The following PPFIBP2 variants were observed in gnomAD, a reference collection of about 807,000 sequenced individuals.
The protein encoded by PPFIBP2 is PPFIB scaffold protein 2.
PPFIBP2 carries 118 observed loss-of-function variants against 118.3 expected under a neutral mutation model. The observed-to-expected ratio is 1.00, with a 90% confidence interval of 0.86 to 1.16. The LOEUF is 1.16. Among genes scored for constraint, PPFIBP2 ranks in the 50% most tolerant of loss-of-function variants. The pLI is 0.00. For missense variants in PPFIBP2, 1,195 were observed against 1,073.1 expected (o/e 1.11, Z -1.59); for synonymous variants, 414 against 397.4 (o/e 1.04, Z -0.50).
chr11:7,550,797 A>G (rs1852887320), intron 2 of PPFIBP2, among the ~76,000 whole-genome samples: 1 of 152,178 alleles, frequency 6.6e-6, no homozygotes, highest in Admixed American at 6.5e-5. Flanking sequence ...GGCACCATCT[A>G]ATAAGCTGCC....
intron 23 of PPFIBP2, among the ~76,000 whole-genome samples, chr11:7,652,283 C>T (rs568428083): frequency 1.8e-4 from 27 of 152,310 alleles, no homozygotes; most frequent in Admixed American, 3.3e-4. Context: ...TGTCTTGTTT[C>T]GTGAAGTGGC....
At chr11:7,606,220 T>C (rs1847322678) in intron 5 of PPFIBP2, among the ~76,000 whole-genome samples, 1 of 152,136 alleles carries the variant, frequency 6.6e-6, no homozygotes, top group Non-Finnish European at 1.5e-5. Context: ...GGAAGCTGAG[T>C]GGTCTCCAAT....
At chr11:7,644,338 C>T (rs1852654746) in intron 17 of PPFIBP2, among the ~76,000 whole-genome samples, 1 of 152,112 alleles carries the variant, frequency 6.6e-6, no homozygotes, top group Non-Finnish European at 1.5e-5. Flanking sequence ...TTTTTAAAAA[C>T]TTTGAATAAT....
chr11:7,558,495 G>A (rs542669065), intron 2 of PPFIBP2, among the ~76,000 whole-genome samples: 21 of 152,282 alleles, frequency 1.4e-4, no homozygotes, highest in African/African-American at 4.8e-4. Flanking sequence ...GGTGGCTCAC[G>A]CCTATATCCC....
At chr11:7,615,353 A>G (rs535757192) in intron 6 of PPFIBP2, among the ~76,000 whole-genome samples, 1 of 148,060 alleles carries the variant, frequency 6.8e-6, no homozygotes, top group Non-Finnish European at 1.5e-5. Context: ...AAAAAAAAAA[A>G]GAATTATAAA....
chr11:7,611,921 T>C (rs918070411), intron 6 of PPFIBP2, among the ~76,000 whole-genome samples: 17 of 152,332 alleles, frequency 1.1e-4, no homozygotes, highest in Middle Eastern at 6.8e-3. Context: ...AGTAACTGAA[T>C]TTTCTTCTGG....
At chr11:7,579,915 C>T (rs183157055) in intron 3 of PPFIBP2, among the ~76,000 whole-genome samples, 4 of 151,940 alleles carry the variant, frequency 2.6e-5, no homozygotes, top group Non-Finnish European at 5.9e-5. Flanking sequence ...CTATTCTCTA[C>T]CCTAAACACT....
intron 1 of PPFIBP2, among the ~76,000 whole-genome samples, chr11:7,547,281 G>A (rs1484817670): frequency 6.6e-6 from 1 of 152,188 alleles, no homozygotes; most frequent in East Asian, 1.9e-4. Context: ...GGGATGGCAG[G>A]CGTATTGCAG....
At chr11:7,520,409 A>T (rs1445188956) in intron 1 of PPFIBP2, among the ~76,000 whole-genome samples, 1 of 152,058 alleles carries the variant, frequency 6.6e-6, no homozygotes, top group African/African-American at 2.4e-5. Flanking sequence ...GCACCTTGGG[A>T]CTGGGCCTGA....
At chr11:7,623,341 G>A (rs993894844) in intron 7 of PPFIBP2, among the ~76,000 whole-genome samples, 1 of 152,190 alleles carries the variant, frequency 6.6e-6, no homozygotes, top group African/African-American at 2.4e-5. Flanking sequence ...TGTCTGCATA[G>A]CTATCTCAGA....
At chr11:7,525,384 TC>T (rs200966576) in intron 1 of PPFIBP2, among the ~76,000 whole-genome samples, 1,752 of 152,278 alleles carry the variant, frequency 0.012, 27 homozygotes, top group African/African-American at 0.04. Flanking sequence ...AGTCAGTAAA[TC>T]CTTTTATTCC....
intron 17 of PPFIBP2, among the ~76,000 whole-genome samples, chr11:7,646,241 G>T (rs1212461855): frequency 6.6e-6 from 1 of 152,224 alleles, no homozygotes; most frequent in African/African-American, 2.4e-5. Flanking sequence ...GACAACACAT[G>T]AGTTAAATGA....
At chr11:7,559,774 C>T (rs1254933143) in intron 2 of PPFIBP2, among the ~76,000 whole-genome samples, 1 of 152,086 alleles carries the variant, frequency 6.6e-6, no homozygotes, top group Non-Finnish European at 1.5e-5. Flanking sequence ...GCATTAAAAC[C>T]TCAAGCCCCA....
chr11:7,597,071 A>G (rs370272224), intron 4 of PPFIBP2: 1 of 1,078,314 alleles, frequency 9.3e-7, no homozygotes, highest in Non-Finnish European at 1.2e-6. Context: ...TACAGCCCAC[A>G]TTCCTTAATT....
At chr11:7,534,163 G>A (rs1418208230) in intron 1 of PPFIBP2, among the ~76,000 whole-genome samples, 1 of 152,190 alleles carries the variant, frequency 6.6e-6, no homozygotes, top group Admixed American at 6.5e-5. Context: ...AGGAACTTAG[G>A]TTCAAATCTC....
chr11:7,530,192 G>A (rs987729065), intron 1 of PPFIBP2, among the ~76,000 whole-genome samples: 7 of 152,180 alleles, frequency 4.6e-5, no homozygotes, highest in African/African-American at 1.4e-4. Flanking sequence ...ACTGAGGTGG[G>A]TAGTTTATTC....
chr11:7,651,022 C>T, intron 22 of PPFIBP2, 57 bp downstream of exon 22: 5 of 1,565,256 alleles, frequency 3.2e-6, no homozygotes, highest in Non-Finnish European at 4.4e-6. Flanking sequence ...TATTCAGAAA[C>T]TTATTTATTA....
chr11:7,630,948 A>G lies in PPFIBP2; in HGVS notation c.988A>G (p.Ile330Val), dbSNP rs983554136. The stretch of plus-strand genomic sequence containing the variant: ...AGGGCCTTCGGAGAGAACTCTCTCA[A>G]TCAATGAAGAAGAACCGGAGGGAGG... ...TQGPSERTLS[I>V]NEEEPEGGFS... Residue 330 changes from isoleucine (I) to valine (V), a missense_variant, in exon 11 of 24, where the codon ATC (isoleucine) becomes GTC (valine). Transcript: ENST00000299492. The G allele has an allele frequency of 3.1e-6, 5 of 1,614,144 alleles. No individual in the cohort carries two copies. Among genetic ancestry groups the G allele is most frequent in the Non-Finnish European group, 4.2e-6 (5 of 1,179,968 alleles).
chr11:7,619,151 T>A (rs1330897493), intron 6 of PPFIBP2, among the ~76,000 whole-genome samples: 1 of 152,202 alleles, frequency 6.6e-6, no homozygotes, highest in Admixed American at 6.5e-5. Context: ...TCATGGAGTT[T>A]ACAGTTTAGT....
Sources: allele counts gnomAD v4.1 joint callset (sites outside exome capture counted in the v4.1 genomes callset), GRCh38; gene constraint gnomAD v4.1.1; transcripts MANE v1.5; gene names NCBI Gene and HGNC (gene_info 2026-07-23, HGNC 2026-07-21).